The following STIM2 variants were observed in gnomAD, a reference collection of about 807,000 sequenced individuals.
STIM2 encodes stromal interaction molecule 2.
Under a neutral mutation model 85.8 loss-of-function variants are expected in STIM2, and 31 were observed. The observed-to-expected ratio is 0.36, with a 90% CI of 0.27 to 0.49. The LOEUF is 0.49. Among genes scored for constraint, STIM2 ranks in the 20% least tolerant of loss-of-function variants. The pLI is 0.98. For missense variants in STIM2, 841 were observed against 927.6 expected, an observed-to-expected ratio of 0.91 and a Z score of 1.21; for synonymous variants, 356 against 331.1, an observed-to-expected ratio of 1.08 and a Z score of -0.82.
rs567151118 is a variant in STIM2, at chr4:26,995,668, G to T, written c.509+178G>T. Among the ~76,000 whole-genome samples the T allele has an allele frequency of 4.6e-5, 7 of 152,008 alleles. No homozygotes were observed. In the East Asian group the frequency reaches 1.4e-3, roughly 29 times the overall value. ...TTTCAAGTTTTAATCAATTTTTCTT[G>T]TCTAAATAATCAGGCTCTTGGAAAA... On this transcript the variant is annotated intron_variant, in intron 4 of 11. Coordinates refer to ENST00000467087, the MANE Select transcript of STIM2 (RefSeq NM_020860.4).
chr4:27,000,456 G>T (rs1305570403), intron 5 of STIM2, among the ~76,000 whole-genome samples: 2 of 152,152 alleles, frequency 1.3e-5, no homozygotes, highest in Non-Finnish European at 2.9e-5. Context: ...TCCATTGGGG[G>T]ATTGTCTTCT....
chr4:26,918,285 C>T (rs1724666589), intron 1 of STIM2, among the ~76,000 whole-genome samples: 1 of 132,934 alleles, frequency 7.5e-6, no homozygotes, highest in Non-Finnish European at 1.6e-5. Flanking sequence ...ATATTGGCTT[C>T]TCTTCTCCCA....
intron 3 of STIM2, among the ~76,000 whole-genome samples, chr4:26,962,827 A>G (rs1726534029): frequency 6.6e-6 from 1 of 152,196 alleles, no homozygotes; most frequent in Non-Finnish European, 1.5e-5. Flanking sequence ...TAGAGACTAT[A>G]GTAGATAAAA....
intron 3 of STIM2, among the ~76,000 whole-genome samples, chr4:26,989,231 G>A (rs1360252891): frequency 6.6e-6 from 1 of 152,020 alleles, no homozygotes; most frequent in South Asian, 2.1e-4. Context: ...CACCACACAC[G>A]GCCCAGTTTA....
At chr4:26,907,572 T>C (rs938650351) in intron 1 of STIM2, among the ~76,000 whole-genome samples, 2 of 152,194 alleles carry the variant, frequency 1.3e-5, no homozygotes, top group African/African-American at 4.8e-5. Flanking sequence ...ATTTTCTGCT[T>C]TGATGTTTTA....
At chr4:27,008,739 G>T in intron 9 of STIM2, 25 bp from the exon 10 acceptor site, 1 of 1,609,082 alleles carries the variant, frequency 6.2e-7, no homozygotes, top group Non-Finnish European at 8.5e-7. Flanking sequence ...GATGCAGTAA[G>T]TAATTTCTTT....
At chr4:27,016,659 G>A (rs138502018) in intron 10 of STIM2, among the ~76,000 whole-genome samples, 30 of 152,276 alleles carry the variant, frequency 2.0e-4, no homozygotes, top group African/African-American at 7.0e-4. Context: ...TAATTGGTTA[G>A]AATTTTACCC....
At chr4:26,873,782 G>T in intron 1 of STIM2, 1 of 856,552 alleles carries the variant, frequency 1.2e-6, no homozygotes. Flanking sequence ...GAGCAGAGGG[G>T]CTCTGTCAAG....
At chr4:26,939,025 CTGTTAA>C (rs1725499923) in intron 2 of STIM2, among the ~76,000 whole-genome samples, 1 of 151,986 alleles carries the variant, frequency 6.6e-6, no homozygotes, top group African/African-American at 2.4e-5. Context: ...ATTGGATGGT[CTGTTAA>C]TGTTAATATT....
At chr4:26,899,263 C>A (rs1197437369) in intron 1 of STIM2, among the ~76,000 whole-genome samples, 1 of 152,050 alleles carries the variant, frequency 6.6e-6, no homozygotes, top group Non-Finnish European at 1.5e-5. Context: ...AACCAATCTT[C>A]TGTCCCTGGA....
At chr4:26,942,815 A>G (rs556858778) in intron 2 of STIM2, among the ~76,000 whole-genome samples, 1 of 151,888 alleles carries the variant, frequency 6.6e-6, no homozygotes, top group East Asian at 1.9e-4. Context: ...TGCTTTGCTT[A>G]TTTTTACTGA....
chr4:27,001,256 C>T (rs1728142233), intron 5 of STIM2, among the ~76,000 whole-genome samples: 2 of 152,176 alleles, frequency 1.3e-5, no homozygotes, highest in African/African-American at 4.8e-5. Flanking sequence ...TATTAGCTAT[C>T]ATTGTGTCTC....
intron 2 of STIM2, among the ~76,000 whole-genome samples, chr4:26,942,769 T>C (rs1344112229): frequency 6.6e-6 from 1 of 152,136 alleles, no homozygotes; most frequent in African/African-American, 2.4e-5. Context: ...TGGTTTCCCC[T>C]TTATCTCCTT....
chr4:26,985,484 C>T (rs13434414), intron 3 of STIM2, among the ~76,000 whole-genome samples: 1,558 of 152,244 alleles, frequency 0.01, 29 homozygotes, highest in African/African-American at 0.036. Context: ...ATTCCAATAA[C>T]ACAAATATTT....
chr4:26,977,287 T>C (rs1465130151), intron 3 of STIM2, among the ~76,000 whole-genome samples: 1 of 152,134 alleles, frequency 6.6e-6, no homozygotes, highest in Non-Finnish European at 1.5e-5. Context: ...GGGAGACAAA[T>C]TGATCAGGGA....
At position 26,861,234 on chromosome 4, in the gene STIM2, C is replaced by T. The variant is rs1473420398; in HGVS notation, c.16C>T (p.Leu6=). 1 of 1,494,724 alleles carries T rather than the reference C, an allele frequency of 6.7e-7. No homozygotes were observed. Among genetic ancestry groups the T allele is most frequent in the Non-Finnish European group, 8.9e-7 (1 of 1,129,478 alleles). 92.6% of individuals were successfully genotyped at this position (1,494,724 alleles called of 1,614,324 possible). The change falls in exon 1 of 12, where the codon CTG becomes TTG. Residue 6 remains leucine (L), a synonymous_variant. Transcript: ENST00000467087. Reference sequence around the variant, plus strand: ...CTGGGCTGCGTTGCTGGTGCTCGGGCTGCTGGTAGCCGGAGCGGCGGACGG... The same window carrying T: ...CTGGGCTGCGTTGCTGGTGCTCGGGTTGCTGGTAGCCGGAGCGGCGGACGG...
intron 3 of STIM2, among the ~76,000 whole-genome samples, chr4:26,976,204 G>A (rs778461114): frequency 1.6e-4 from 25 of 151,954 alleles, no homozygotes; most frequent in African/African-American, 3.9e-4. Context: ...TGCACTTCTC[G>A]GGTGATGCGA....
chr4:26,997,710 C>T (rs1728008962), intron 4 of STIM2, among the ~76,000 whole-genome samples: 1 of 152,194 alleles, frequency 6.6e-6, no homozygotes, highest in African/African-American at 2.4e-5. Context: ...GCAAGTACTA[C>T]ATTAGGCTTT....
chr4:26,893,699 T>C (rs1723585111), intron 1 of STIM2, among the ~76,000 whole-genome samples: 1 of 152,248 alleles, frequency 6.6e-6, no homozygotes, highest in African/African-American at 2.4e-5. Flanking sequence ...TCCTTAGTAA[T>C]GCCAAATTAT....
Sources: allele counts gnomAD v4.1 joint callset (sites outside exome capture counted in the v4.1 genomes callset), GRCh38; gene constraint gnomAD v4.1.1; transcripts MANE v1.5; gene names NCBI Gene and HGNC (gene_info 2026-07-23, HGNC 2026-07-21).